Variants in PUM3 observed in about 807,000 individuals in gnomAD.
PUM3 encodes pumilio homolog 3.
A neutral mutation model predicts 84.0 loss-of-function variants in PUM3; 91 were observed. That is an observed-to-expected ratio of 1.08 (90% CI 0.91 to 1.29). The LOEUF (loss-of-function observed/expected upper bound fraction) is 1.29. PUM3 is among the 50% of genes most tolerant of loss of function. The pLI is 0.00. For synonymous variants in PUM3, 321 were observed against 266.7 expected, an observed-to-expected ratio of 1.20 and a Z score of -1.98; for missense variants, 1,067 against 767.5, an observed-to-expected ratio of 1.39 and a Z score of -4.61.
At chr9:2,843,780 G>T (rs933042379) in intron 1 of PUM3, among the ~76,000 whole-genome samples, 1 of 151,670 alleles carries the variant, frequency 6.6e-6, no homozygotes, top group Non-Finnish European at 1.5e-5. Flanking sequence ...GGGTTTCACC[G>T]TGTTAGCCAG....
Position 2,824,794 on chromosome 9 carries a change from C to T in PUM3, c.1057G>A (p.Glu353Lys), listed in dbSNP as rs1288777773. Residue 353 changes from glutamate (E) to lysine (K), a missense_variant, in exon 11 of 18, where the codon GAA (glutamate) becomes AAA (lysine). Glu to Lys is a moderately conservative substitution (Grantham distance 56). Transcript: ENST00000397885. ...LRSEMIEAIR[E>K]AVVYLAHTHD... ...GTGTGTGCCAGGTAGACCACCGCTT[C>T]GCGGATGGCTTCAATCATTTCCTAG... 1.8e-5 allele frequency: 29 copies of T among 1,574,000 alleles called. No homozygotes were observed. The highest frequency in any genetic ancestry group is 4.6e-5 in the East Asian group (2 of 43,826).
At chr9:2,825,147 T>C (rs1392548569) in intron 10 of PUM3, among the ~76,000 whole-genome samples, 1 of 151,444 alleles carries the variant, frequency 6.6e-6, no homozygotes, top group Admixed American at 6.6e-5. Flanking sequence ...GCCTAGGAGG[T>C]GGTGGTGATA....
At chr9:2,839,485 G>A (rs1186166527) in intron 1 of PUM3, among the ~76,000 whole-genome samples, 1 of 152,132 alleles carries the variant, frequency 6.6e-6, no homozygotes, top group Non-Finnish European at 1.5e-5. Flanking sequence ...GTAAGAAAAG[G>A]CTTTTCAGAT....
chr9:2,808,083 TAA>T, intron 16 of PUM3, 179 bp from the exon 17 acceptor site: 1 of 547,918 alleles, frequency 1.8e-6, no homozygotes, highest in Non-Finnish European at 3.2e-6. Flanking sequence ...AATGCATTTC[TAA>T]AAGAGCCATT....
intron 5 of PUM3, among the ~76,000 whole-genome samples, chr9:2,831,862 T>C (rs1238686833): frequency 1.3e-5 from 2 of 152,304 alleles, no homozygotes; most frequent in South Asian, 2.1e-4. Context: ...AAGTTAATCA[T>C]CCATTTGTCA....
In PUM3 at chr9:2,811,411, T is replaced by A; in HGVS notation, c.1585A>T (p.Ile529Phe). 1 of 1,614,162 alleles carries A rather than the reference T, an allele frequency of 6.2e-7. No individual in the cohort carries two copies. The highest frequency in any genetic ancestry group is 8.5e-7 in the Non-Finnish European group (1 of 1,180,042). Residue 529 changes from isoleucine (I) to phenylalanine (F), a missense_variant, in exon 15 of 18, where the codon ATC (isoleucine) becomes TTC (phenylalanine). By Grantham distance (21) the Ile-to-Phe change is conservative (BLOSUM62 0). Coordinates refer to ENST00000397885, the MANE Select transcript of PUM3 (RefSeq NM_014878.5). ...TGDVQPTMNAIASLAATGLHP... is the reference protein window; with the variant it reads ...TGDVQPTMNAFASLAATGLHP... The stretch of plus-strand genomic sequence containing the variant: ...AGTCCTGTTGCTGCCAAGCTGGCGA[T>A]GGCATTCATGGTAGGCTGAACGTCT...
intron 5 of PUM3, among the ~76,000 whole-genome samples, chr9:2,832,127 T>C (rs1195545174): frequency 6.6e-6 from 1 of 152,188 alleles, no homozygotes; most frequent in East Asian, 1.9e-4. Flanking sequence ...GGTGAGTGTA[T>C]ACTTCCATCA....
At position 2,804,256 on chromosome 9, in the gene PUM3, C is replaced by G; in HGVS notation, c.*75G>C. ...CCAATTACCAGTATGGTGGACCCTA[C>G]CCCTTCTTTTCTGCATTGGGAAACA... On this transcript the variant is annotated 3_prime_UTR_variant, in exon 18 of 18. Transcript: ENST00000397885. The G allele has an allele frequency of 6.8e-7, 1 of 1,465,738 alleles. No individual in the cohort carries two copies. The highest frequency in any genetic ancestry group is 1.3e-5 in the South Asian group (1 of 77,800). 90.8% of individuals were successfully genotyped at this position (1,465,738 alleles called of 1,614,324 possible). A position where few individuals can be genotyped will look rare whatever the true frequency, so the allele number is the denominator to read the frequency against.
At chr9:2,831,146 A>G in intron 6 of PUM3, 105 bp downstream of exon 6, 1 of 989,834 alleles carries the variant, frequency 1.0e-6, no homozygotes, top group Non-Finnish European at 1.5e-6. Context: ...TCTGGAGAAG[A>G]CAAACCTAAA....
chr9:2,817,023 G>A (rs988557107), intron 13 of PUM3, among the ~76,000 whole-genome samples: 3 of 152,180 alleles, frequency 2.0e-5, no homozygotes, highest in Non-Finnish European at 4.4e-5. Context: ...ATAGGAACAC[G>A]TGACTCTCTA....
At chr9:2,837,561 C>T (rs1816161320) in intron 2 of PUM3, among the ~76,000 whole-genome samples, 160 bp from the exon 3 acceptor site, 2 of 152,100 alleles carry the variant, frequency 1.3e-5, no homozygotes, top group Admixed American at 6.5e-5. Context: ...TGGATTTAAA[C>T]AATCAAAACA....
chr9:2,814,562 C>T (rs543701544), intron 13 of PUM3, among the ~76,000 whole-genome samples: 1 of 152,218 alleles, frequency 6.6e-6, no homozygotes, highest in South Asian at 2.1e-4. Context: ...TATGGCATAC[C>T]TTGAGTGTGC....
intron 17 of PUM3, among the ~76,000 whole-genome samples, chr9:2,807,600 C>CAAAAA (rs71329449): frequency 8.9e-5 from 6 of 67,090 alleles, no homozygotes; most frequent in East Asian, 5.3e-4. Flanking sequence ...GACTCCATCT[C>CAAAAA]AAAAAAAAAA....
intron 6 of PUM3, 26 bp downstream of exon 6, chr9:2,831,225 C>T (rs1167257488): frequency 3.5e-6 from 5 of 1,425,154 alleles, no homozygotes; most frequent in Non-Finnish European, 2.9e-6. Context: ...CAAATGATAA[C>T]ATAATCTTTA....
intron 8 of PUM3, among the ~76,000 whole-genome samples, chr9:2,829,518 T>A (rs1815914832): frequency 6.6e-6 from 1 of 152,204 alleles, no homozygotes; most frequent in African/African-American, 2.4e-5. Context: ...AGTATTGAAG[T>A]GCTACACACA....
Position 2,812,326 on chromosome 9 carries a change from T to C in PUM3, c.1306A>G (p.Lys436Glu), listed in dbSNP as rs1271405697. 1 of 1,593,774 alleles carries C rather than the reference T, an allele frequency of 6.3e-7. No individual in the cohort carries two copies. The highest frequency in any genetic ancestry group is 8.6e-7 in the Non-Finnish European group (1 of 1,161,840). Residue 436 changes from lysine to glutamate, a missense_variant, in exon 14 of 18, where the codon AAA (lysine) becomes GAA (glutamate). Physicochemically the swap from Lys to Glu is moderately conservative, Grantham distance 56. Transcript: ENST00000397885. ...ISSLPSIVND[K>E]YGRKVLLYLL... ...TACAATAGGACCTTCCTTCCATATTTGTCATTTACTATGCTAGGCAATGAA... is the reference window on the plus strand; with the variant it reads ...TACAATAGGACCTTCCTTCCATATTCGTCATTTACTATGCTAGGCAATGAA...
chr9:2,839,860 G>A lies in PUM3; in HGVS notation c.-10-1343C>T, dbSNP rs193287186. 6.7e-4 allele frequency among the ~76,000 whole-genome samples: 102 copies of A among 152,202 alleles called. 1 individual carries two copies. The highest frequency in any genetic ancestry group is 2.9e-3 in the South Asian group (14 of 4,824). On this transcript the variant is annotated intron_variant, in intron 1 of 17. Transcript: ENST00000397885. ...TAATTTTTATATTGAAATAATTTTA[G>A]CTTTACAAAAGAGTTGAAAAGATAC... is the stretch of plus-strand genomic sequence containing the variant.
At chr9:2,820,536 T>TAC (rs201509056) in intron 12 of PUM3, among the ~76,000 whole-genome samples, 7 of 151,234 alleles carry the variant, frequency 4.6e-5, no homozygotes, top group South Asian at 2.1e-4. Flanking sequence ...TTTACACACA[T>TAC]ACACACACAC....
intron 10 of PUM3, 47 bp from the exon 11 acceptor site, chr9:2,824,862 C>T: frequency 1.2e-5 from 16 of 1,323,416 alleles, no homozygotes; most frequent in Non-Finnish European, 1.6e-5. Flanking sequence ...TTATTTTCTT[C>T]TTTCTACTGT....
Sources: gnomAD v4.1 joint callset for allele counts (sites outside exome capture counted in the v4.1 genomes callset) on GRCh38, gnomAD v4.1.1 for gene constraint, MANE v1.5 for transcripts, NCBI Gene and HGNC (gene_info 2026-07-23, HGNC 2026-07-21) for gene names.